Variants in ZC3H12B observed in about 807,000 individuals in gnomAD.
ZC3H12B encodes probable ribonuclease ZC3H12B.
ZC3H12B carries 7 observed loss-of-function variants against 43.9 expected under a neutral mutation model. The ratio of observed to expected loss-of-function variants is 0.16; its 90% confidence interval spans 0.09 to 0.30. The LOEUF (loss-of-function observed/expected upper bound fraction) is 0.30. Among genes scored for constraint, ZC3H12B ranks in the 10% least tolerant of loss-of-function variants. The pLI is 1.00. For missense variants in ZC3H12B, 475 were observed against 670.2 expected (o/e 0.71, Z 3.22); for synonymous variants, 222 against 241.7 (o/e 0.92, Z 0.76).
chrX:65,339,351 G>T, the ZC3H12B span, among the ~76,000 whole-genome samples: 1 of 111,787 alleles, frequency 8.9e-6, no homozygotes, highest in Non-Finnish European at 1.9e-5. Context: ...TTGGGGAAAT[G>T]GGTGAATTGA....
the ZC3H12B span, among the ~76,000 whole-genome samples, chrX:65,214,467 C>A: frequency 1.8e-3 from 203 of 111,513 alleles, no homozygotes; most frequent in Non-Finnish European, 2.8e-3. Flanking sequence ...ATCATTTTTA[C>A]CAGGAGTAGA....
the ZC3H12B span, among the ~76,000 whole-genome samples, chrX:65,157,747 T>C: frequency 2.0e-5 from 2 of 100,654 alleles, no homozygotes; most frequent in African/African-American, 9.5e-5. Flanking sequence ...TAACCCACTT[T>C]TTCTACCTTT....
intron 3 of ZC3H12B, among the ~76,000 whole-genome samples, chrX:65,455,223 C>G (rs1164923431): frequency 9.0e-6 from 1 of 111,656 alleles, no homozygotes; most frequent in Non-Finnish European, 1.9e-5. Flanking sequence ...AAGTTAAAAA[C>G]CTTGAAAAAA....
chrX:65,168,349 C>A, the ZC3H12B span, among the ~76,000 whole-genome samples: 1 of 111,385 alleles, frequency 9.0e-6, no homozygotes, highest in Admixed American at 9.6e-5. Flanking sequence ...TATTGATTTG[C>A]ATATGTTGAA....
At chrX:65,080,188 GAA>G in the ZC3H12B span, among the ~76,000 whole-genome samples, 206 of 57,033 alleles carry the variant, frequency 3.6e-3, 1 homozygote, top group African/African-American at 0.013. Context: ...GAAGACAAAA[GAA>G]AAAAAAAAAA....
intron 1 of ZC3H12B, among the ~76,000 whole-genome samples, chrX:65,494,007 T>C (rs1331023153): frequency 9.0e-6 from 1 of 111,324 alleles, no homozygotes; most frequent in African/African-American, 3.3e-5. Context: ...GTGTGCCTCA[T>C]GAAATGCTTC....
intron 3 of ZC3H12B, among the ~76,000 whole-genome samples, chrX:65,475,958 A>G (rs181248730): frequency 2.0e-4 from 23 of 112,382 alleles, no homozygotes; most frequent in Non-Finnish European, 3.8e-4. Flanking sequence ...AATCTCCCAG[A>G]TTGCAAGGTT....
intron 3 of ZC3H12B, among the ~76,000 whole-genome samples, chrX:65,405,702 A>T (rs775861699): frequency 4.5e-5 from 5 of 112,130 alleles, no homozygotes; most frequent in African/African-American, 1.6e-4. Flanking sequence ...GATCAATGAA[A>T]CAAAAAGTTG....
chrX:65,168,099 T>C, the ZC3H12B span, among the ~76,000 whole-genome samples: 2 of 111,830 alleles, frequency 1.8e-5, no homozygotes, highest in African/African-American at 6.5e-5. Flanking sequence ...AGAGAGGACA[T>C]CCCTGTCTTG....
chrX:65,346,021 A>G, the ZC3H12B span, among the ~76,000 whole-genome samples: 1 of 111,798 alleles, frequency 8.9e-6, no homozygotes, highest in Non-Finnish European at 1.9e-5. Context: ...AAAAAAAATC[A>G]ATATTGTTAA....
the ZC3H12B span, among the ~76,000 whole-genome samples, chrX:65,160,820 T>C: frequency 5.4e-5 from 6 of 111,561 alleles, no homozygotes; most frequent in African/African-American, 9.8e-5. Flanking sequence ...ATGTGTTTGC[T>C]CTTGCTTTTC....
At chrX:65,375,689 G>C (rs1340123267) in intron 2 of ZC3H12B, among the ~76,000 whole-genome samples, 3 of 111,164 alleles carry the variant, frequency 2.7e-5, no homozygotes, top group African/African-American at 6.6e-5. Context: ...GATACATCCT[G>C]AGCCAGAAGG....
the ZC3H12B span, among the ~76,000 whole-genome samples, chrX:65,063,517 A>G: frequency 8.9e-6 from 1 of 112,151 alleles, no homozygotes; most frequent in Non-Finnish European, 1.9e-5. Flanking sequence ...AGCCAACTTG[A>G]TCGTGGTGGA....
At chrX:65,330,493 G>C in the ZC3H12B span, among the ~76,000 whole-genome samples, 1 of 111,455 alleles carries the variant, frequency 9.0e-6, no homozygotes, top group African/African-American at 3.3e-5. Flanking sequence ...AATTTTCAAA[G>C]GGAATGCTTC....
At chrX:65,081,653 T>A in the ZC3H12B span, among the ~76,000 whole-genome samples, 1 of 111,587 alleles carries the variant, frequency 9.0e-6, no homozygotes, top group African/African-American at 3.3e-5. Flanking sequence ...TTAGTGGTAA[T>A]GAGAGAGATA....
At chrX:65,494,264 A>C (rs941316792) in intron 1 of ZC3H12B, among the ~76,000 whole-genome samples, 59 of 110,482 alleles carry the variant, frequency 5.3e-4, no homozygotes, top group African/African-American at 1.4e-3. Context: ...GTATATATTT[A>C]GAGACAGGGC....
chrX:65,454,706 A>G (rs2067579914), intron 3 of ZC3H12B, among the ~76,000 whole-genome samples: 1 of 111,893 alleles, frequency 8.9e-6, no homozygotes, highest in African/African-American at 3.3e-5. Context: ...ACCCCCAAGT[A>G]GCCTAACTGG....
At chrX:65,408,010 G>T in intron 3 of ZC3H12B, 1 of 1,072,218 alleles carries the variant, frequency 9.3e-7, no homozygotes, top group South Asian at 2.3e-5. Context: ...AATTTTCCTC[G>T]GCGGGATTAA....
the ZC3H12B span, among the ~76,000 whole-genome samples, chrX:65,125,405 A>T: frequency 1.8e-5 from 2 of 110,877 alleles, no homozygotes; most frequent in East Asian, 5.7e-4. Flanking sequence ...TTGTTTATGG[A>T]CTATCTTATA....
Sources: allele counts gnomAD v4.1 joint callset (sites outside exome capture counted in the v4.1 genomes callset), GRCh38; gene constraint gnomAD v4.1.1; transcripts MANE v1.5; gene names NCBI Gene and HGNC (gene_info 2026-07-23, HGNC 2026-07-21).